The following KLHL4 variants were observed in gnomAD, a reference collection of about 807,000 sequenced individuals.
KLHL4 encodes kelch-like protein 4.
KLHL4 carries 17 observed loss-of-function variants against 45.8 expected under a neutral mutation model. The observed-to-expected ratio is 0.37, with a 90% confidence interval of 0.25 to 0.56. The LOEUF is 0.56. Among genes scored for constraint, KLHL4 ranks in the 20% least tolerant of loss-of-function variants. The pLI is 0.79. For synonymous variants in KLHL4, 224 were observed against 189.9 expected (o/e 1.18, Z -1.47); for missense variants, 544 against 544.9 (o/e 1.00, Z 0.02).
chrX:87,632,117 G>A, intron 6 of KLHL4, 93 bp from the exon 7 acceptor site: 1 of 511,413 alleles, frequency 2.0e-6, no homozygotes, highest in Non-Finnish European at 3.3e-6. Flanking sequence ...ATACTGTGCT[G>A]TAAGTTATGG....
At chrX:87,558,421 A>G (rs1256835086) in intron 1 of KLHL4, among the ~76,000 whole-genome samples, 1 of 109,295 alleles carries the variant, frequency 9.1e-6, no homozygotes, top group Non-Finnish European at 1.9e-5. Flanking sequence ...ATTATTTCAT[A>G]TTTTTGAATA....
At chrX:87,547,487 A>G (rs1175224243) in intron 1 of KLHL4, among the ~76,000 whole-genome samples, 1 of 111,416 alleles carries the variant, frequency 9.0e-6, no homozygotes, top group Non-Finnish European at 1.9e-5. Context: ...CAGACATGGG[A>G]AAACAGACTA....
intron 6 of KLHL4, among the ~76,000 whole-genome samples, chrX:87,631,173 C>CA (rs1043214514): frequency 9.9e-5 from 11 of 111,152 alleles, no homozygotes; most frequent in African/African-American, 3.6e-4. Context: ...CTAAACTCGC[C>CA]ATGATACCCA....
intron 3 of KLHL4, among the ~76,000 whole-genome samples, chrX:87,616,816 A>C (rs891228752): frequency 9.0e-6 from 1 of 111,564 alleles, no homozygotes. Flanking sequence ...CTCCCTTCAA[A>C]ATCAAAACAA....
rs983427082 is a variant in KLHL4 at position 87,664,791 on chromosome X, A to G, written c.1953A>G (p.Ser651=). The change falls in exon 10 of 11, where the codon TCA becomes TCG. Residue 651 remains serine, a synonymous_variant. Transcript: ENST00000373119. ...ERYDPKGDSW[S]TVAPLSVPRD... ...ATGATCCAAAAGGTGATTCATGGTC[A>G]ACTGTGGCACCTCTGAGTGTTCCTC... is the stretch of plus-strand genomic sequence containing the variant. 1.0e-5 allele frequency: 12 copies of G among 1,202,110 alleles called. No homozygotes were observed. The highest frequency in any genetic ancestry group is 1.1e-5 in the Non-Finnish European group (10 of 891,349).
In KLHL4 at chrX:87,614,529, A is replaced by T; in HGVS notation, c.686A>T (p.Asp229Val). The T allele has an allele frequency of 8.3e-7, 1 of 1,209,339 alleles. No homozygotes were observed. The highest frequency in any genetic ancestry group is 3.0e-5 in the East Asian group (1 of 33,763). ...GAAGAGGTCAGGATGGAAGGAGTAG[A>T]TCCAAATGCACTAAATTCCTTGGTG... is the stretch of plus-strand genomic sequence containing the variant. Reference protein sequence around the residue: ...KQEEVRMEGVDPNALNSLVQY... With the variant: ...KQEEVRMEGVVPNALNSLVQY... Residue 229 changes from aspartate to valine, a missense_variant, in exon 3 of 11, where the codon GAT becomes GTT. Coordinates refer to ENST00000373119, the MANE Select transcript of KLHL4 (RefSeq NM_019117.5).
chrX:87,590,838 AGGC>A (rs1921638866), intron 1 of KLHL4, among the ~76,000 whole-genome samples: 1 of 111,907 alleles, frequency 8.9e-6, no homozygotes, highest in Non-Finnish European at 1.9e-5. Flanking sequence ...CATTTGTTAA[AGGC>A]TGAATAACAT....
chrX:87,590,370 T>C (rs1415209551), intron 1 of KLHL4, among the ~76,000 whole-genome samples: 1 of 111,132 alleles, frequency 9.0e-6, no homozygotes. Flanking sequence ...ATGAAAGACA[T>C]CCTGTACTTA....
chrX:87,565,458 T>C, intron 1 of KLHL4, among the ~76,000 whole-genome samples: 1 of 111,071 alleles, frequency 9.0e-6, no homozygotes, highest in Non-Finnish European at 1.9e-5. Context: ...TCGCGTGTGG[T>C]GGCTCATGCC....
intron 1 of KLHL4, among the ~76,000 whole-genome samples, chrX:87,603,802 C>A (rs1922098155): frequency 9.1e-6 from 1 of 110,301 alleles, no homozygotes; most frequent in Admixed American, 9.7e-5. Context: ...CACACTCACT[C>A]TACTGTGCAA....
At chrX:87,629,041 C>T (rs903495286) in intron 6 of KLHL4, among the ~76,000 whole-genome samples, 1 of 111,724 alleles carries the variant, frequency 9.0e-6, no homozygotes, top group African/African-American at 3.3e-5. Flanking sequence ...AAGGTAAAGG[C>T]TAATACTGTC....
At chrX:87,586,498 G>A (rs1429634853) in intron 1 of KLHL4, among the ~76,000 whole-genome samples, 1 of 110,942 alleles carries the variant, frequency 9.0e-6, no homozygotes, top group African/African-American at 3.3e-5. Flanking sequence ...AGAAATACAT[G>A]GGAATTAAAC....
chrX:87,588,012 G>A (rs777278839), intron 1 of KLHL4, among the ~76,000 whole-genome samples: 24 of 111,342 alleles, frequency 2.2e-4, no homozygotes, highest in African/African-American at 7.8e-4. Context: ...TCAACAGTGT[G>A]AAGAATCTGA....
intron 9 of KLHL4, among the ~76,000 whole-genome samples, chrX:87,650,985 GTAT>G: frequency 8.9e-6 from 1 of 111,932 alleles, no homozygotes; most frequent in East Asian, 2.8e-4. Flanking sequence ...CACTGCACAT[GTAT>G]TCACAGATGT....
chrX:87,595,267 G>C (rs1032071478), intron 1 of KLHL4, among the ~76,000 whole-genome samples: 1 of 110,679 alleles, frequency 9.0e-6, no homozygotes, highest in Non-Finnish European at 1.9e-5. Context: ...ACTCATTTCC[G>C]TTTCCACGGT....
At chrX:87,649,128 TACA>T (rs996331872) in intron 9 of KLHL4, among the ~76,000 whole-genome samples, 30 of 111,530 alleles carry the variant, frequency 2.7e-4, no homozygotes, top group African/African-American at 9.1e-4. Context: ...CAACCATCTC[TACA>T]ACATTTTTCA....
At chrX:87,663,186 G>T (rs1391392887) in intron 9 of KLHL4, among the ~76,000 whole-genome samples, 3 of 110,682 alleles carry the variant, frequency 2.7e-5, no homozygotes, top group Non-Finnish European at 1.9e-5. Context: ...ATGATTCCTA[G>T]TTACTCTATG....
chrX:87,640,914 A>G (rs188621668), intron 9 of KLHL4, among the ~76,000 whole-genome samples: 3 of 112,210 alleles, frequency 2.7e-5, no homozygotes, highest in Admixed American at 1.9e-4. Context: ...CTGTTTGCTG[A>G]TGACATGATT....
intron 1 of KLHL4, among the ~76,000 whole-genome samples, chrX:87,532,346 G>A (rs1287096232): frequency 1.8e-5 from 2 of 110,394 alleles, no homozygotes; most frequent in African/African-American, 6.6e-5. Flanking sequence ...ACCTTGTAGT[G>A]TAGTTTGAAG....
Sources: allele counts gnomAD v4.1 joint callset (sites outside exome capture counted in the v4.1 genomes callset), GRCh38; gene constraint gnomAD v4.1.1; transcripts MANE v1.5; gene names NCBI Gene and HGNC (gene_info 2026-07-23, HGNC 2026-07-21).